The following EBF2 variants were observed in gnomAD, a reference collection of about 807,000 sequenced individuals.
EBF2 encodes EBF transcription factor 2, also known as transcription factor COE2.
In EBF2, 21 loss-of-function variants were observed where a neutral mutation model predicts 72.8. The ratio of observed to expected loss-of-function variants is 0.29; its 90% confidence interval spans 0.20 to 0.42. EBF2 has a LOEUF of 0.42. EBF2 is among the 10% of genes least tolerant of loss of function. EBF2 has a pLI of 1.00. For missense variants in EBF2, 637 were observed against 731.2 expected (o/e 0.87, Z 1.49); for synonymous variants, 299 against 274.2 (o/e 1.09, Z -0.89).
intron 6 of EBF2, among the ~76,000 whole-genome samples, chr8:25,931,247 C>A (rs1175184249): frequency 6.6e-6 from 1 of 152,160 alleles, no homozygotes; most frequent in Non-Finnish European, 1.5e-5. Context: ...ATCTGACCCA[C>A]CCCTTTTCTT....
intron 6 of EBF2, among the ~76,000 whole-genome samples, chr8:26,024,512 C>A (rs1465268213): frequency 1.3e-5 from 2 of 152,120 alleles, no homozygotes; most frequent in Non-Finnish European, 2.9e-5. Flanking sequence ...TTCTGCTTTA[C>A]AACCCTAGAT....
chr8:25,988,195 A>T (rs533609596), intron 6 of EBF2, among the ~76,000 whole-genome samples: 1 of 152,156 alleles, frequency 6.6e-6, no homozygotes, highest in Non-Finnish European at 1.5e-5. Flanking sequence ...CTCTTCACAC[A>T]GTTCTGAGAG....
chr8:25,919,273 G>A (rs1803271565), intron 6 of EBF2, among the ~76,000 whole-genome samples: 1 of 152,170 alleles, frequency 6.6e-6, no homozygotes, highest in Non-Finnish European at 1.5e-5. Context: ...AGAGCAGGGT[G>A]GGAATCTGGA....
chr8:26,022,351 T>C (rs1181618911), intron 6 of EBF2, among the ~76,000 whole-genome samples: 7 of 152,202 alleles, frequency 4.6e-5, no homozygotes, highest in African/African-American at 1.7e-4. Flanking sequence ...TTCAATTAAT[T>C]AGAAAAATGT....
intron 6 of EBF2, among the ~76,000 whole-genome samples, chr8:25,966,526 TGA>T (rs755886293): frequency 6.6e-6 from 1 of 152,344 alleles, no homozygotes; most frequent in South Asian, 2.1e-4. Context: ...AAATGCAATC[TGA>T]GAGATTTGCT....
At chr8:25,864,929 C>T (rs1802280868) in intron 10 of EBF2, among the ~76,000 whole-genome samples, 1 of 151,864 alleles carries the variant, frequency 6.6e-6, no homozygotes, top group Non-Finnish European at 1.5e-5. Context: ...TCTTGAGTAG[C>T]TGGGCTTACA....
chr8:25,963,244 T>C (rs544156326), intron 6 of EBF2, among the ~76,000 whole-genome samples: 7 of 152,318 alleles, frequency 4.6e-5, no homozygotes, highest in East Asian at 3.9e-4. Context: ...AAATGACTCA[T>C]TGATAATGGC....
In EBF2 at chr8:26,033,157, T is replaced by TA; in HGVS notation, c.483-5dup. Reference sequence around the variant, plus strand: ...GCTTTTCTTTTCGCAGCATCGACTGTAGATTGGGAAGGAACCAAGAGTGAA... The same window carrying TA: ...GCTTTTCTTTTCGCAGCATCGACTGTAAGATTGGGAAGGAACCAAGAGTGAA... On this transcript the variant is annotated splice_region_variant and splice_polypyrimidine_tract_variant and intron_variant, in intron 5 of 15. Transcript: ENST00000520164. 1 of 1,614,032 alleles carries TA rather than the reference T, an allele frequency of 6.2e-7. No individual in the cohort carries two copies. Among genetic ancestry groups the TA allele is most frequent in the Non-Finnish European group, 8.5e-7 (1 of 1,179,924 alleles).
At position 26,044,660 on chromosome 8, in the gene EBF2, G is replaced by T. The variant is rs536397868; in HGVS notation, c.131+69C>A. 2.0e-5 allele frequency: 31 copies of T among 1,562,606 alleles called. No homozygotes were observed. The highest frequency in any genetic ancestry group is 2.4e-5 in the Non-Finnish European group (27 of 1,148,156). ...AGAGAAAGGCACGGGGTGCGCGGGG[G>T]GGGTGCACACGGAGAGACAGACCGT... On this transcript the variant is annotated intron_variant, in intron 1 of 15. Coordinates refer to ENST00000520164, the MANE Select transcript of EBF2 (RefSeq NM_022659.4). The surrounding 1 kb of genome is among the most constrained non-coding windows in gnomAD (Gnocchi z 4.1).
intron 6 of EBF2, among the ~76,000 whole-genome samples, chr8:25,919,034 G>A (rs370089402): frequency 6.6e-6 from 1 of 152,054 alleles, no homozygotes; most frequent in Non-Finnish European, 1.5e-5. Context: ...TCCATCTAGT[G>A]GAAACAATTA....
Position 26,021,840 on chromosome 8 carries a change from C to T in EBF2, c.551+11245G>A, listed in dbSNP as rs150242666. ...TGAATGACAGAGGAGTAAGCAAACC[C>T]GTGCTGATGCCAAATTTTACTGTGG... On this transcript the variant is annotated intron_variant, in intron 6 of 15. Coordinates refer to ENST00000520164, the MANE Select transcript of EBF2 (RefSeq NM_022659.4). Among the ~76,000 whole-genome samples the T allele has an allele frequency of 6.9e-3, 1,046 of 152,278 alleles. 3 individuals carry two copies. The highest frequency in any genetic ancestry group is 0.011 in the Non-Finnish European group (749 of 68,022).
chr8:25,852,727 TG>T (rs1802007280), intron 14 of EBF2, among the ~76,000 whole-genome samples: 1 of 152,194 alleles, frequency 6.6e-6, no homozygotes, highest in Non-Finnish European at 1.5e-5. Flanking sequence ...ACAACAATTT[TG>T]TAAAAATGCC....
chr8:25,890,741 G>A (rs1217891125), intron 7 of EBF2, among the ~76,000 whole-genome samples: 3 of 152,162 alleles, frequency 2.0e-5, no homozygotes, highest in Admixed American at 2.0e-4. Context: ...ATGCTTAAAG[G>A]AAATGTTCAT....
In EBF2 at chr8:26,007,411, T is replaced by C. The variant is rs1395462465; in HGVS notation, c.551+25674A>G. ...ACTAGAGATGCAATTTGTTTCATCATGTTCTCCTGCCAATATTGTCATTTA... is the reference window on the plus strand; with the variant it reads ...ACTAGAGATGCAATTTGTTTCATCACGTTCTCCTGCCAATATTGTCATTTA... On this transcript the variant is annotated intron_variant, in intron 6 of 15. Coordinates refer to ENST00000520164, the MANE Select transcript of EBF2 (RefSeq NM_022659.4). Among the ~76,000 whole-genome samples the C allele has an allele frequency of 4.6e-5, 7 of 152,330 alleles. No individual in the cohort carries two copies. The East Asian group carries it at 1.2e-3, about 25-fold the overall frequency.
chr8:25,951,135 G>C (rs951852002), intron 6 of EBF2, among the ~76,000 whole-genome samples: 1 of 152,110 alleles, frequency 6.6e-6, no homozygotes, highest in Non-Finnish European at 1.5e-5. Flanking sequence ...AATTAAATTA[G>C]CCAGTAATTT....
intron 6 of EBF2, among the ~76,000 whole-genome samples, chr8:25,981,381 T>G (rs1322044933): frequency 4.0e-5 from 6 of 151,872 alleles, no homozygotes; most frequent in Admixed American, 3.9e-4. Flanking sequence ...AAACTTCCAT[T>G]GCCCTATCCA....
intron 10 of EBF2, among the ~76,000 whole-genome samples, chr8:25,877,342 A>G (rs987989643): frequency 2.0e-5 from 3 of 152,160 alleles, no homozygotes; most frequent in Non-Finnish European, 2.9e-5. Context: ...CTCTCCGCCT[A>G]GGCTAGCATA....
chr8:26,006,552 C>G (rs554736595), intron 6 of EBF2, among the ~76,000 whole-genome samples: 2 of 152,138 alleles, frequency 1.3e-5, no homozygotes, highest in East Asian at 3.9e-4. Context: ...CCTTATGACT[C>G]TATATTTAAA....
chr8:25,891,189 C>T (rs1383350546), intron 7 of EBF2, among the ~76,000 whole-genome samples: 1 of 152,114 alleles, frequency 6.6e-6, no homozygotes, highest in East Asian at 1.9e-4. Context: ...CGAGCTCCAG[C>T]ATATGTACTG....
Sources: gnomAD v4.1 joint callset for allele counts (sites outside exome capture counted in the v4.1 genomes callset) on GRCh38, gnomAD v4.1.1 for gene constraint, Gnocchi (gnomAD v3.1) non-coding constraint, MANE v1.5 for transcripts, NCBI Gene and HGNC (gene_info 2026-07-23, HGNC 2026-07-21) for gene names.